Variants in OTUD7A observed in about 807,000 individuals in gnomAD.
OTUD7A encodes OTU domain-containing protein 7A.
Under a neutral mutation model 65.7 loss-of-function variants are expected in OTUD7A, and 12 were observed. That is an observed-to-expected ratio of 0.18 (90% CI 0.12 to 0.30). The LOEUF is 0.30. Among genes scored for constraint, OTUD7A ranks in the 10% least tolerant of loss-of-function variants. OTUD7A has a pLI of 1.00. For synonymous variants in OTUD7A, 641 were observed against 586.3 expected, an observed-to-expected ratio of 1.09 and a Z score of -1.35; for missense variants, 1,148 against 1,304.8, an observed-to-expected ratio of 0.88 and a Z score of 1.85.
At chr15:31,497,841 C>T (rs1240610583) in intron 10 of OTUD7A, among the ~76,000 whole-genome samples, 1 of 152,188 alleles carries the variant, frequency 6.6e-6, no homozygotes, top group Non-Finnish European at 1.5e-5. Context: ...TCAATTTCCC[C>T]CTCTGTAAAG....
intron 3 of OTUD7A, among the ~76,000 whole-genome samples, chr15:31,597,626 T>G (rs1025863108): frequency 3.9e-5 from 6 of 152,064 alleles, no homozygotes; most frequent in African/African-American, 1.4e-4. Flanking sequence ...TATTACCCAA[T>G]CACTTTAGCT....
rs528027370 is a variant in OTUD7A at position 31,767,433 on chromosome 15, T to A, written c.-100+103074A>T. 1.6e-4 allele frequency: 126 copies of A among 774,446 alleles called. 2 individuals are homozygous for A. In the South Asian group the frequency reaches 1.7e-3, roughly 10 times the overall value. The allele number at this position is 774,446 out of a possible 1,614,324, so 48.0% of individuals were successfully genotyped here. ...TCCAACATAAGTTGGATTATTCATA[T>A]CATTGCTTCTTGGCCAATTTGCTAG... On this transcript the variant is annotated intron_variant, in intron 1 of 12. Transcript: ENST00000307050.
intron 3 of OTUD7A, among the ~76,000 whole-genome samples, chr15:31,591,755 C>T (rs1566934435): frequency 6.6e-6 from 1 of 152,218 alleles, no homozygotes; most frequent in Non-Finnish European, 1.5e-5. Flanking sequence ...GCATACTGCA[C>T]ATTCATGTGC....
rs745486596 is a variant in OTUD7A at position 31,484,583 on chromosome 15, TCTC to T, written c.1510_1512del (p.Glu504del). ...TCCTTCTCCTTGCGCTGCTTCTCCT[TCTC>T]CTTGTCCTTGCCGTTCTTGCCGTTA... On this transcript the variant is annotated inframe_deletion, in exon 13 of 13. Coordinates refer to ENST00000307050, the MANE Select transcript of OTUD7A (RefSeq NM_001382637.1). The surrounding 1 kb of genome is among the most constrained non-coding windows in gnomAD (Gnocchi z 4.5). 3 of 1,610,616 alleles carry T rather than the reference TCTC, an allele frequency of 1.9e-6. No homozygotes were observed. Among genetic ancestry groups the T allele is most frequent in the African/African-American group, 1.3e-5 (1 of 74,996 alleles).
intron 3 of OTUD7A, among the ~76,000 whole-genome samples, chr15:31,570,776 A>G (rs1272667847): frequency 1.3e-5 from 2 of 152,118 alleles, no homozygotes; most frequent in African/African-American, 4.8e-5. Flanking sequence ...CAGCGTGGGT[A>G]CGCACTCAGC....
chr15:31,767,133 C>T (rs143225152), intron 1 of OTUD7A: 893 of 1,502,682 alleles, frequency 5.9e-4, no homozygotes, highest in African/African-American at 1.1e-3. Context: ...TTTTTCTCTA[C>T]GAAGCAGACT....
intron 8 of OTUD7A, among the ~76,000 whole-genome samples, chr15:31,522,735 C>T (rs766274411): frequency 3.5e-4 from 53 of 152,140 alleles, no homozygotes; most frequent in South Asian, 4.1e-4. Flanking sequence ...TCCACGTGGC[C>T]GGGGCCTGGC....
At chr15:31,532,933 CAAAAAA>C (rs35993038) in intron 5 of OTUD7A, among the ~76,000 whole-genome samples, 3 of 56,476 alleles carry the variant, frequency 5.3e-5, no homozygotes, top group Admixed American at 2.1e-4. Context: ...GACTCCGTAT[CAAAAAA>C]AAAAAAAAAA....
intron 3 of OTUD7A, among the ~76,000 whole-genome samples, chr15:31,585,477 G>A (rs182154682): frequency 3.3e-4 from 50 of 152,352 alleles, no homozygotes; most frequent in Non-Finnish European, 5.6e-4. Flanking sequence ...CTGCACCCAG[G>A]AGAATACCTA....
At chr15:31,828,566 C>T (rs576585232) in intron 1 of OTUD7A, among the ~76,000 whole-genome samples, 29 of 152,264 alleles carry the variant, frequency 1.9e-4, no homozygotes, top group African/African-American at 7.0e-4. Context: ...GGTTTTTCTG[C>T]ATGCTTGTTC....
chr15:31,705,566 A>AT (rs1893311448), intron 1 of OTUD7A, among the ~76,000 whole-genome samples: 2 of 145,122 alleles, frequency 1.4e-5, no homozygotes, highest in Admixed American at 1.4e-4. Flanking sequence ...AGGCAGAATC[A>AT]CACACTCACA....
At chr15:31,779,931 G>A (rs867237668) in intron 1 of OTUD7A, among the ~76,000 whole-genome samples, 5 of 152,012 alleles carry the variant, frequency 3.3e-5, no homozygotes, top group Admixed American at 6.5e-5. Flanking sequence ...GACTGCTTCT[G>A]GTAAGGGCTT....
intron 1 of OTUD7A, among the ~76,000 whole-genome samples, chr15:31,800,478 C>CG (rs1158565382): frequency 8.5e-5 from 13 of 152,118 alleles, no homozygotes; most frequent in African/African-American, 3.1e-4. Flanking sequence ...TCCTGAAGGT[C>CG]GGGACTCCCC....
At position 31,576,953 on chromosome 15, in the gene OTUD7A, T is replaced by C. The variant is rs530060551; in HGVS notation, c.152-6756A>G. On this transcript the variant is annotated intron_variant, in intron 3 of 12. Transcript: ENST00000307050. Reference sequence around the variant, plus strand: ...GTAATACCGCCTTTCTTTTGGAGTTTAGACACAACAGACCAGCATTAACAT... The same window carrying C: ...GTAATACCGCCTTTCTTTTGGAGTTCAGACACAACAGACCAGCATTAACAT... Among the ~76,000 whole-genome samples, 6 of 152,138 alleles carry C rather than the reference T, an allele frequency of 3.9e-5. No individual in the cohort carries two copies. The South Asian group carries it at 1.2e-3, about 32-fold the overall frequency.
chr15:31,814,418 A>G (rs1896498035), intron 1 of OTUD7A, among the ~76,000 whole-genome samples: 1 of 152,228 alleles, frequency 6.6e-6, no homozygotes, highest in Non-Finnish European at 1.5e-5. Flanking sequence ...ATGGAGGGCT[A>G]TGCCTGCTGT....
intron 1 of OTUD7A, among the ~76,000 whole-genome samples, chr15:31,718,125 A>C (rs1203799425): frequency 6.6e-6 from 1 of 152,178 alleles, no homozygotes; most frequent in Non-Finnish European, 1.5e-5. Flanking sequence ...TCAGGGACAA[A>C]TCATGTCTAC....
At chr15:31,824,503 T>C (rs1400551912) in intron 1 of OTUD7A, among the ~76,000 whole-genome samples, 1 of 152,220 alleles carries the variant, frequency 6.6e-6, no homozygotes, top group East Asian at 1.9e-4. Context: ...AATGCCTCTT[T>C]ACTGTAAGAA....
At chr15:31,749,787 A>T (rs954328702) in intron 1 of OTUD7A, among the ~76,000 whole-genome samples, 1 of 152,172 alleles carries the variant, frequency 6.6e-6, no homozygotes, top group Non-Finnish European at 1.5e-5. Context: ...CTCTTCGTGA[A>T]TGACATAATT....
chr15:31,496,257 TG>T (rs893933213), intron 10 of OTUD7A, among the ~76,000 whole-genome samples: 126 of 151,878 alleles, frequency 8.3e-4, no homozygotes, highest in Admixed American at 1.5e-3. Flanking sequence ...AGTCTCGCTC[TG>T]TCGCCCAGGC....
Sources: gnomAD v4.1 joint callset for allele counts (sites outside exome capture counted in the v4.1 genomes callset) on GRCh38, gnomAD v4.1.1 for gene constraint, Gnocchi (gnomAD v3.1) non-coding constraint, MANE v1.5 for transcripts, NCBI Gene and HGNC (gene_info 2026-07-23, HGNC 2026-07-21) for gene names.